The following RSRC1 variants were observed in gnomAD, a reference collection of about 807,000 sequenced individuals.
RSRC1 encodes the protein serine/Arginine-related protein 53.
In RSRC1, 39 loss-of-function variants were observed where a neutral mutation model predicts 49.1. That is an observed-to-expected ratio of 0.79 (90% CI 0.61 to 1.04). The LOEUF (loss-of-function observed/expected upper bound fraction) is 1.04, where lower values mean the gene tolerates loss of function less well. Ranked by LOEUF, RSRC1 falls within the 50% of genes least tolerant of loss-of-function variation. The pLI, the probability that RSRC1 is intolerant of heterozygous loss-of-function variation, is 0.00. For missense variants in RSRC1, 388 were observed against 402.4 expected, an observed-to-expected ratio of 0.96 and a Z score of 0.31; for synonymous variants, 143 against 130.8, an observed-to-expected ratio of 1.09 and a Z score of -0.63.
chr3:158,140,207 C>T (rs78544932), intron 3 of RSRC1, among the ~76,000 whole-genome samples: 5,710 of 152,268 alleles, frequency 0.037, 360 homozygotes, highest in African/African-American at 0.13. Context: ...CCTTTGGAAT[C>T]TGTGCATTTT....
At chr3:158,164,953 T>G (rs971334338) in intron 3 of RSRC1, among the ~76,000 whole-genome samples, 1 of 152,154 alleles carries the variant, frequency 6.6e-6, no homozygotes, top group East Asian at 1.9e-4. Flanking sequence ...GAAAATATCT[T>G]TTTGTCCCTG....
chr3:158,198,859 G>C (rs1256472695), intron 3 of RSRC1, among the ~76,000 whole-genome samples: 2 of 152,132 alleles, frequency 1.3e-5, no homozygotes, highest in Admixed American at 6.6e-5. Flanking sequence ...GTGGGTTTAT[G>C]ATCCAATATT....
At chr3:158,345,186 C>A (rs559844908) in intron 5 of RSRC1, among the ~76,000 whole-genome samples, 1 of 151,396 alleles carries the variant, frequency 6.6e-6, no homozygotes, top group Non-Finnish European at 1.5e-5. Context: ...GAGATTGTGC[C>A]GCTGCACTCC....
rs188376756 is a variant in RSRC1, at chr3:158,383,673, G to T, written c.583+28765G>T. On this transcript the variant is annotated intron_variant, in intron 6 of 9. Transcript: ENST00000611884. ...GGGGAGGGGTGTAATAAGTAGTGGTGGTGTGTCTTTATTTTCTGCTTTCTC... is the reference window on the plus strand; with the variant it reads ...GGGGAGGGGTGTAATAAGTAGTGGTTGTGTGTCTTTATTTTCTGCTTTCTC... 5.0e-3 allele frequency among the ~76,000 whole-genome samples: 767 copies of T among 152,074 alleles called. 3 individuals carry two copies. Among genetic ancestry groups the T allele is most frequent in the African/African-American group, 0.018 (726 of 41,484 alleles).
chr3:158,494,609 A>G (rs577581431), intron 7 of RSRC1, among the ~76,000 whole-genome samples: 1 of 152,220 alleles, frequency 6.6e-6, no homozygotes, highest in Non-Finnish European at 1.5e-5. Flanking sequence ...CTTCTGCAAT[A>G]ACACTTAAAA....
chr3:158,125,136 A>G (rs1228572488), intron 3 of RSRC1, among the ~76,000 whole-genome samples: 1 of 151,812 alleles, frequency 6.6e-6, no homozygotes, highest in Non-Finnish European at 1.5e-5. Flanking sequence ...TTCTTAATCT[A>G]ACTAAGTACT....
At chr3:158,435,715 T>G (rs1286143277) in intron 6 of RSRC1, among the ~76,000 whole-genome samples, 2 of 151,724 alleles carry the variant, frequency 1.3e-5, no homozygotes, top group Admixed American at 1.3e-4. Context: ...GGGAAGACTT[T>G]ACGCTTAGAA....
At chr3:158,514,895 C>T (rs969273838) in intron 7 of RSRC1, among the ~76,000 whole-genome samples, 8 of 151,960 alleles carry the variant, frequency 5.3e-5, no homozygotes, top group Admixed American at 2.0e-4. Context: ...CTCTTTTGAT[C>T]TTTGTTGGTT....
At chr3:158,438,959 A>G (rs1208310814) in intron 6 of RSRC1, among the ~76,000 whole-genome samples, 1 of 152,200 alleles carries the variant, frequency 6.6e-6, no homozygotes, top group Non-Finnish European at 1.5e-5. Context: ...ATGAACTCCA[A>G]CAAATTTATA....
rs1244088276 is a variant in RSRC1 at position 158,487,046 on chromosome 3, T to G, written c.652+26043T>G. Among the ~76,000 whole-genome samples the G allele has an allele frequency of 2.6e-5, 4 of 152,170 alleles. 1 individual carries two copies. The highest frequency in any genetic ancestry group is 9.7e-5 in the African/African-American group (4 of 41,446). ...TTAAAATATCTCGATTGCAAACACC[T>G]TATATTTTTCCTAATTTTGAGGAGT... On this transcript the variant is annotated intron_variant, in intron 7 of 9. Transcript: ENST00000611884.
At chr3:158,215,264 A>G (rs1211457522) in intron 4 of RSRC1, among the ~76,000 whole-genome samples, 1 of 146,290 alleles carries the variant, frequency 6.8e-6, no homozygotes, top group African/African-American at 2.5e-5. Flanking sequence ...TGCTTACATC[A>G]TTATATTTGA....
intron 4 of RSRC1, among the ~76,000 whole-genome samples, chr3:158,242,075 T>G (rs1297209049): frequency 7.2e-6 from 1 of 138,250 alleles, no homozygotes; most frequent in Non-Finnish European, 1.5e-5. Context: ...GGGGTACATA[T>G]GCGGAATGTG....
At chr3:158,484,223 A>G (rs1203192283) in intron 7 of RSRC1, among the ~76,000 whole-genome samples, 1 of 152,116 alleles carries the variant, frequency 6.6e-6, no homozygotes, top group African/African-American at 2.4e-5. Flanking sequence ...CGTGTTAAAG[A>G]GAGAAATCAG....
chr3:158,377,801 A>G (rs1055687460), intron 6 of RSRC1, among the ~76,000 whole-genome samples: 3 of 152,058 alleles, frequency 2.0e-5, no homozygotes, highest in Non-Finnish European at 2.9e-5. Context: ...CTGAGATTGC[A>G]GGTGCCTGCC....
At chr3:158,196,127 C>T (rs1320294008) in intron 3 of RSRC1, among the ~76,000 whole-genome samples, 2 of 151,972 alleles carry the variant, frequency 1.3e-5, no homozygotes, top group Admixed American at 6.6e-5. Context: ...TTCCTACTCA[C>T]GAGCATGGAA....
intron 6 of RSRC1, among the ~76,000 whole-genome samples, chr3:158,358,018 A>G (rs1372972260): frequency 6.6e-6 from 1 of 152,204 alleles, no homozygotes; most frequent in African/African-American, 2.4e-5. Context: ...AAATGTTAAT[A>G]ATGTTATTGG....
At chr3:158,387,914 A>G (rs1488156393) in intron 6 of RSRC1, among the ~76,000 whole-genome samples, 5 of 152,208 alleles carry the variant, frequency 3.3e-5, no homozygotes, top group Admixed American at 2.6e-4. Context: ...AAACGCACAC[A>G]TGCACATATA....
At chr3:158,493,197 A>G (rs1739160097) in intron 7 of RSRC1, among the ~76,000 whole-genome samples, 1 of 152,174 alleles carries the variant, frequency 6.6e-6, no homozygotes, top group South Asian at 2.1e-4. Context: ...ATCATCATCT[A>G]CTGAGTTGAA....
intron 5 of RSRC1, among the ~76,000 whole-genome samples, chr3:158,348,863 G>A (rs865935804): frequency 7.0e-4 from 106 of 152,194 alleles, no homozygotes; most frequent in African/African-American, 2.5e-3. Flanking sequence ...CTTCTTAAGT[G>A]TTAGTTCACT....
Sources: gnomAD v4.1 joint callset for allele counts (sites outside exome capture counted in the v4.1 genomes callset) on GRCh38, gnomAD v4.1.1 for gene constraint, MANE v1.5 for transcripts, NCBI Gene and HGNC (gene_info 2026-07-23, HGNC 2026-07-21) for gene names.